SORT1: variants seen among roughly 807,000 people sequenced by gnomAD.
SORT1 encodes sortilin.
Under a neutral mutation model 101.7 loss-of-function variants are expected in SORT1, and 39 were observed. The ratio of observed to expected loss-of-function variants is 0.38; its 90% confidence interval spans 0.30 to 0.50. SORT1 has a LOEUF of 0.50. Ranked by LOEUF, SORT1 falls within the 20% of genes least tolerant of loss-of-function variation. SORT1 has a pLI of 0.90. For synonymous variants in SORT1, 396 were observed against 393.7 expected (o/e 1.01, Z -0.07); for missense variants, 878 against 1,040.4 (o/e 0.84, Z 2.15).
chr1:109,397,865 C>T lies in SORT1; in HGVS notation c.28G>A (p.Gly10Ser). 2 of 1,274,250 alleles carry T rather than the reference C, an allele frequency of 1.6e-6. No homozygotes were observed. The highest frequency in any genetic ancestry group is 2.0e-6 in the Non-Finnish European group (2 of 1,000,080). The allele number at this position is 1,274,250 out of a possible 1,614,324, so 78.9% of individuals were successfully genotyped here. A position where few individuals can be genotyped will look rare whatever the true frequency, so the allele number is the denominator to read the frequency against. Reference sequence around the variant, plus strand: ...AGGCCATGGGGCCAGCGCGAGAGGCCGTCCGCAGCTCCCCAGGGCCGCTCC... The same window carrying T: ...AGGCCATGGGGCCAGCGCGAGAGGCTGTCCGCAGCTCCCCAGGGCCGCTCC... MERPWGAAD[G>S]LSRWPHGLGL... Residue 10 changes from glycine to serine, a missense_variant, in exon 1 of 20, where the codon GGC (glycine) becomes AGC (serine). Transcript: ENST00000256637.
At chr1:109,336,701 C>T (rs1256753218) in intron 10 of SORT1, among the ~76,000 whole-genome samples, 2 of 151,258 alleles carry the variant, frequency 1.3e-5, no homozygotes, top group East Asian at 1.9e-4. Context: ...CCCAGCTACT[C>T]GGGAGGCCGG....
At chr1:109,376,443 C>A (rs531508968) in intron 1 of SORT1, among the ~76,000 whole-genome samples, 1 of 152,078 alleles carries the variant, frequency 6.6e-6, no homozygotes, top group African/African-American at 2.4e-5. Context: ...AAGACACATG[C>A]ACTATGTTAA....
At chr1:109,393,024 G>T in intron 1 of SORT1, 1 of 985,400 alleles carries the variant, frequency 1.0e-6, no homozygotes, top group Non-Finnish European at 1.2e-6. Flanking sequence ...TTAAAGGACT[G>T]ACCTTCAGAC....
chr1:109,325,049 A>T lies in SORT1; in HGVS notation c.1684T>A (p.Phe562Ile), dbSNP rs1440268558. ...GTGAAATAGATGGGGTCCCTGGTGA[A>T]CGTGTAGGTTTGCCAGCATTGACCT... ...DEGQCWQTYT[F>I]TRDPIYFTGL... Residue 562 changes from phenylalanine to isoleucine, a missense_variant, in exon 14 of 20, where the codon TTC (phenylalanine) becomes ATC (isoleucine). Phe to Ile is a conservative substitution (Grantham distance 21). Transcript: ENST00000256637. 2.5e-6 allele frequency: 4 copies of T among 1,613,518 alleles called. No homozygotes were observed. The South Asian group carries it at 4.4e-5, about 18-fold the overall frequency.
intron 15 of SORT1, among the ~76,000 whole-genome samples, chr1:109,318,803 C>T (rs1442044867): frequency 6.6e-6 from 1 of 152,160 alleles, no homozygotes; most frequent in African/African-American, 2.4e-5. Flanking sequence ...CATGCATGCA[C>T]CACCATGCTC....
intron 1 of SORT1, 97 bp from the exon 2 acceptor site, chr1:109,369,686 T>C: frequency 1.2e-6 from 1 of 838,932 alleles, no homozygotes; most frequent in South Asian, 1.5e-5. Context: ...TTCAGAGTAA[T>C]TAAGTTCATA....
At position 109,375,136 on chromosome 1, in the gene SORT1, T is replaced by C. The variant is rs1295876764; in HGVS notation, c.307-5547A>G. Among the ~76,000 whole-genome samples, 6 of 152,358 alleles carry C rather than the reference T, an allele frequency of 3.9e-5. No homozygotes were observed. In the East Asian group the frequency reaches 7.7e-4, roughly 20 times the overall value. ...AATTCAGAAGATGTTCTACAATTTC[T>C]ACAAATGTTCTTAAAGTTGTTCTAC... On this transcript the variant is annotated intron_variant, in intron 1 of 19. Coordinates refer to ENST00000256637, the MANE Select transcript of SORT1 (RefSeq NM_002959.7).
intron 3 of SORT1, among the ~76,000 whole-genome samples, chr1:109,356,830 T>G (rs1007623885): frequency 3.9e-5 from 6 of 152,274 alleles, no homozygotes; most frequent in African/African-American, 1.4e-4. Flanking sequence ...ATTCCATAGC[T>G]GTCTAACCCT....
At chr1:109,336,097 AATTTC>A in intron 11 of SORT1, 138 bp downstream of exon 11, 1 of 596,934 alleles carries the variant, frequency 1.7e-6, no homozygotes, top group Non-Finnish European at 3.0e-6. Flanking sequence ...ATTCTAAGTT[AATTTC>A]ATTACTCTCA....
chr1:109,390,497 C>T (rs760030604), intron 1 of SORT1, among the ~76,000 whole-genome samples: 1 of 152,096 alleles, frequency 6.6e-6, no homozygotes, highest in African/African-American at 2.4e-5. Context: ...CATAATCACA[C>T]AGCTATGAAG....
intron 3 of SORT1, among the ~76,000 whole-genome samples, chr1:109,365,672 AT>A (rs541952899): frequency 1.4e-4 from 22 of 152,344 alleles, no homozygotes; most frequent in Non-Finnish European, 2.2e-4. Context: ...TTCAATTATT[AT>A]TTGCTGCCTG....
intron 1 of SORT1, among the ~76,000 whole-genome samples, chr1:109,379,675 T>C (rs1329242411): frequency 3.3e-5 from 5 of 152,160 alleles, no homozygotes; most frequent in Non-Finnish European, 7.4e-5. Flanking sequence ...AATGTCAGCT[T>C]GATTCTACCA....
intron 1 of SORT1, among the ~76,000 whole-genome samples, chr1:109,387,954 A>G (rs1311744470): frequency 6.6e-6 from 1 of 152,172 alleles, no homozygotes; most frequent in African/African-American, 2.4e-5. Flanking sequence ...TGTCTCAAAA[A>G]AAAAAGAAAA....
intron 10 of SORT1, among the ~76,000 whole-genome samples, 164 bp downstream of exon 10, chr1:109,340,560 T>A (rs1649140610): frequency 6.6e-6 from 1 of 151,752 alleles, no homozygotes; most frequent in African/African-American, 2.4e-5. Context: ...CAAATTTTGT[T>A]AGACATATTG....
chr1:109,324,049 G>A (rs567019120), intron 14 of SORT1, among the ~76,000 whole-genome samples: 1 of 152,318 alleles, frequency 6.6e-6, no homozygotes, highest in East Asian at 1.9e-4. Context: ...CAACTAGAGT[G>A]TCTAGAAACG....
chr1:109,394,520 C>T (rs577189969), intron 1 of SORT1, among the ~76,000 whole-genome samples: 43 of 152,204 alleles, frequency 2.8e-4, no homozygotes, highest in African/African-American at 9.4e-4. Context: ...ATCAGGACAC[C>T]GGTCTCCTTA....
At chr1:109,314,426 G>A (rs1294034741) in intron 18 of SORT1, 42 bp from the exon 19 acceptor site, 1 of 1,606,968 alleles carries the variant, frequency 6.2e-7, no homozygotes, top group Admixed American at 1.7e-5. Flanking sequence ...GTACACAGCA[G>A]GGGTGCACTT....
At chr1:109,355,631 A>C in intron 3 of SORT1, among the ~76,000 whole-genome samples, 162 bp from the exon 4 acceptor site, 1 of 122,732 alleles carries the variant, frequency 8.1e-6, no homozygotes, top group Non-Finnish European at 1.7e-5. Context: ...GTGAGTCCGA[A>C]GAACATTCCA....
chr1:109,333,904 T>C (rs1261578417), intron 11 of SORT1, among the ~76,000 whole-genome samples: 1 of 152,164 alleles, frequency 6.6e-6, no homozygotes, highest in Non-Finnish European at 1.5e-5. Flanking sequence ...CCCAGTACTT[T>C]GGGAGGCAGA....
Sources: gnomAD v4.1 joint callset for allele counts (sites outside exome capture counted in the v4.1 genomes callset) on GRCh38, gnomAD v4.1.1 for gene constraint, MANE v1.5 for transcripts, NCBI Gene and HGNC (gene_info 2026-07-23, HGNC 2026-07-21) for gene names.